GPR155: variants seen among roughly 807,000 people sequenced by gnomAD.
The protein encoded by GPR155 is G protein-coupled receptor 155.
GPR155 carries 65 observed loss-of-function variants against 93.1 expected under a neutral mutation model. The observed-to-expected ratio is 0.70, with a 90% confidence interval of 0.57 to 0.86. The LOEUF (loss-of-function observed/expected upper bound fraction) is 0.86. GPR155 is among the 40% of genes least tolerant of loss of function. GPR155 has a pLI of 0.00. For synonymous variants in GPR155, 319 were observed against 360.1 expected (o/e 0.89, Z 1.29); for missense variants, 838 against 1,034.8 (o/e 0.81, Z 2.61).
At chr2:174,460,393 A>C (rs1687654926) in intron 9 of GPR155, among the ~76,000 whole-genome samples, 1 of 151,524 alleles carries the variant, frequency 6.6e-6, no homozygotes, top group Non-Finnish European at 1.5e-5. Context: ...CAATCTTCTG[A>C]TCTCGTGACC....
chr2:174,447,194 G>A (rs147791795), intron 11 of GPR155, among the ~76,000 whole-genome samples: 10,021 of 151,368 alleles, frequency 0.066, 432 homozygotes, highest in Middle Eastern at 0.16. Context: ...CAAATTAACT[G>A]GGTGTGGTGG....
Position 174,436,368 on chromosome 2 carries a change from C to T in GPR155, c.2361G>A (p.Val787=). Reference sequence around the variant, plus strand: ...CAAGGCCGACTTCAATTAGCCAGCTCACCAGGTCACAGCCACAGAAAGTTC... The same window carrying T: ...CAAGGCCGACTTCAATTAGCCAGCTTACCAGGTCACAGCCACAGAAAGTTC... ...SAGTFCGCDL[V]SWLIEVGLAS... Residue 787 remains valine, a synonymous_variant, in exon 16 of 16, where the codon GTG becomes GTA. Coordinates refer to ENST00000392552, the MANE Select transcript of GPR155 (RefSeq NM_152529.7). 2 of 1,614,198 alleles carry T rather than the reference C, an allele frequency of 1.2e-6. No homozygotes were observed. The highest frequency in any genetic ancestry group is 1.7e-6 in the Non-Finnish European group (2 of 1,180,040).
In GPR155 at chr2:174,446,634, G is replaced by A; in HGVS notation, c.1990C>T (p.Leu664Phe). 6.2e-7 allele frequency: 1 copy of A among 1,613,936 alleles called. No homozygotes were observed. Among genetic ancestry groups the A allele is most frequent in the South Asian group, 1.1e-5 (1 of 91,054 alleles). The stretch of plus-strand genomic sequence containing the variant: ...ACAGCGAACAGGCCAATGATGAGAA[G>A]TAAACACAGCAACACATGTCGGGTC... ...QLTRHVLLCLLLIIGLFANLS... is the reference protein window; with the variant it reads ...QLTRHVLLCLFLIIGLFANLS... The change falls in exon 12 of 16, where the codon CTT becomes TTT. Residue 664 changes from leucine to phenylalanine, a missense_variant. This residue lies in a region of GPR155 where 663 missense variants were observed against 790.1 expected (regional missense o/e 0.84). Coordinates refer to ENST00000392552, the MANE Select transcript of GPR155 (RefSeq NM_152529.7).
intron 4 of GPR155, 67 bp downstream of exon 4, chr2:174,470,323 T>C: frequency 8.1e-7 from 1 of 1,232,180 alleles, no homozygotes. Context: ...TTAAAAAATT[T>C]GAAATGAATT....
intron 2 of GPR155, among the ~76,000 whole-genome samples, chr2:174,474,528 G>A (rs564238131): frequency 6.6e-6 from 1 of 151,864 alleles, no homozygotes; most frequent in Admixed American, 6.6e-5. Context: ...ACCCCCCATA[G>A]CATGTTTCCA....
rs556220183 is a variant in GPR155 at position 174,486,084 on chromosome 2, T to A, written c.-32+789A>T. Among the ~76,000 whole-genome samples the A allele has an allele frequency of 9.2e-5, 14 of 152,320 alleles. No homozygotes were observed. In the South Asian group the frequency reaches 2.7e-3, roughly 29 times the overall value. On this transcript the variant is annotated intron_variant, in intron 1 of 15. Transcript: ENST00000392552. The stretch of plus-strand genomic sequence containing the variant: ...AAACTCTCAGGCTATTTCTCAAACA[T>A]CCAACATCCTTTATCCCGTGGGATA...
In GPR155 at chr2:174,440,048, T is replaced by C. The variant is rs1342389018; in HGVS notation, c.2175-13A>G. The C allele has an allele frequency of 1.9e-6, 3 of 1,602,382 alleles. No homozygotes were observed. Among genetic ancestry groups the C allele is most frequent in the Non-Finnish European group, 2.6e-6 (3 of 1,174,534 alleles). The stretch of plus-strand genomic sequence containing the variant: ...TAGGAATTCAAGTCTGAAAATCAAA[T>C]TTATGGCCATTTTTAAGGACAGAAA... On this transcript the variant is annotated splice_polypyrimidine_tract_variant and intron_variant, in intron 14 of 15. Transcript: ENST00000392552.
chr2:174,448,792 C>T (rs1282098819), intron 11 of GPR155, among the ~76,000 whole-genome samples: 1 of 151,994 alleles, frequency 6.6e-6, no homozygotes, highest in Non-Finnish European at 1.5e-5. Context: ...CCGCCTCGGC[C>T]TCCCAAAGTG....
intron 10 of GPR155, among the ~76,000 whole-genome samples, chr2:174,456,198 AG>A (rs1687512256): frequency 1.3e-5 from 2 of 152,192 alleles, no homozygotes; most frequent in Admixed American, 6.6e-5. Context: ...ATCTGTATAA[AG>A]GGGTCAGGTT....
At chr2:174,454,951 G>A (rs982688108) in intron 10 of GPR155, among the ~76,000 whole-genome samples, 1 of 152,082 alleles carries the variant, frequency 6.6e-6, no homozygotes, top group African/African-American at 2.4e-5. Flanking sequence ...GGCAGGGATG[G>A]GGTCAACAGG....
chr2:174,454,109 C>T lies in GPR155; in HGVS notation c.1772-268G>A, dbSNP rs1158040377. ...TCAGGAGGCTGAGGTGGCAGGATCACTTAAGGCTAGGATTTTGTTTTGTTT... is the reference window on the plus strand; with the variant it reads ...TCAGGAGGCTGAGGTGGCAGGATCATTTAAGGCTAGGATTTTGTTTTGTTT... On this transcript the variant is annotated intron_variant, in intron 10 of 15. Coordinates refer to ENST00000392552, the MANE Select transcript of GPR155 (RefSeq NM_152529.7). 3.3e-5 allele frequency among the ~76,000 whole-genome samples: 5 copies of T among 152,226 alleles called. No homozygotes were observed. The East Asian group carries it at 7.7e-4, about 23-fold the overall frequency.
intron 13 of GPR155, 39 bp downstream of exon 13, chr2:174,445,042 G>A (rs754956724): frequency 7.0e-6 from 7 of 993,498 alleles, no homozygotes; most frequent in Non-Finnish European, 1.1e-5. Flanking sequence ...ACCTATCCAG[G>A]AAGACAAAAA....
chr2:174,445,247 T>C, intron 12 of GPR155, 71 bp from the exon 13 acceptor site: 1 of 726,678 alleles, frequency 1.4e-6, no homozygotes, highest in Non-Finnish European at 2.4e-6. Flanking sequence ...CACAGCATAG[T>C]ACAATAACTT....
intron 12 of GPR155, chr2:174,445,424 C>T (rs1261577875): frequency 1.3e-5 from 4 of 317,580 alleles, no homozygotes; most frequent in African/African-American, 8.6e-5. Flanking sequence ...AGCCATAATA[C>T]AGAAGCTTAC....
At chr2:174,472,329 C>T (rs777810030) in intron 3 of GPR155, among the ~76,000 whole-genome samples, 2 of 152,156 alleles carry the variant, frequency 1.3e-5, no homozygotes, top group Non-Finnish European at 2.9e-5. Context: ...TAGCTTGAAC[C>T]TACGAGGTGG....
intron 11 of GPR155, among the ~76,000 whole-genome samples, chr2:174,449,302 C>T (rs929914314): frequency 2.0e-5 from 3 of 152,188 alleles, no homozygotes; most frequent in African/African-American, 7.2e-5. Context: ...AGTTCAGTCA[C>T]TGTGGAAAGC....
At chr2:174,454,265 T>TAGCTGGGATTAC (rs1328388212) in intron 10 of GPR155, among the ~76,000 whole-genome samples, 4 of 152,076 alleles carry the variant, frequency 2.6e-5, no homozygotes, top group Non-Finnish European at 5.9e-5. Flanking sequence ...AGCTTCCGAG[T>TAGCTGGGATTAC]AGCTGGGATT....
intron 2 of GPR155, among the ~76,000 whole-genome samples, chr2:174,479,040 G>A (rs1394709334): frequency 2.0e-5 from 3 of 152,148 alleles, no homozygotes; most frequent in South Asian, 4.2e-4. Context: ...AATATTACAA[G>A]AGCTTTTGTT....
chr2:174,459,352 G>C (rs1687613196), intron 10 of GPR155, among the ~76,000 whole-genome samples: 1 of 152,080 alleles, frequency 6.6e-6, no homozygotes, highest in Non-Finnish European at 1.5e-5. Context: ...CTCAGGTCCA[G>C]GGAAGTTTTA....
Sources: gnomAD v4.1 joint callset for allele counts (sites outside exome capture counted in the v4.1 genomes callset) on GRCh38, gnomAD v4.1.1 for gene constraint, gnomAD v4.1.1 regional missense constraint, MANE v1.5 for transcripts, NCBI Gene and HGNC (gene_info 2026-07-23, HGNC 2026-07-21) for gene names.